Variants in NHS observed in about 807,000 individuals in gnomAD.
NHS encodes the protein actin remodeling regulator NHS.
NHS carries 5 observed loss-of-function variants against 72.5 expected under a neutral mutation model. The ratio of observed to expected loss-of-function variants is 0.07; its 90% confidence interval spans 0.04 to 0.14. The LOEUF (loss-of-function observed/expected upper bound fraction) is 0.14, where lower values mean the gene tolerates loss of function less well. Among genes scored for constraint, NHS ranks in the 10% least tolerant of loss-of-function variants. NHS has a pLI of 1.00. For synonymous variants in NHS, 464 were observed against 547.7 expected (o/e 0.85, Z 2.13); for missense variants, 1,072 against 1,355.7 (o/e 0.79, Z 3.29).
intron 1 of NHS, among the ~76,000 whole-genome samples, chrX:17,498,358 C>T (rs2065022480): frequency 1.8e-5 from 2 of 111,239 alleles, no homozygotes; most frequent in South Asian, 7.6e-4. Flanking sequence ...GGCCTTCCCA[C>T]ACCTGCCTCT....
chrX:17,521,825 G>C (rs2065150111), intron 1 of NHS, among the ~76,000 whole-genome samples: 1 of 112,498 alleles, frequency 8.9e-6, no homozygotes, highest in African/African-American at 3.2e-5. Context: ...TTATTTGCAA[G>C]TGCTTCATTT....
chrX:17,465,203 G>A (rs1054360551), intron 1 of NHS, among the ~76,000 whole-genome samples: 7 of 111,543 alleles, frequency 6.3e-5, no homozygotes, highest in African/African-American at 2.0e-4. Flanking sequence ...TGCTGAGTTT[G>A]ACCAGAGCTC....
intron 1 of NHS, among the ~76,000 whole-genome samples, chrX:17,538,424 G>C (rs2065242098): frequency 8.9e-6 from 1 of 111,744 alleles, no homozygotes; most frequent in Admixed American, 9.5e-5. Flanking sequence ...CTAAAGAGTA[G>C]GCTCCCAGCG....
At position 17,516,044 on chromosome X, in the gene NHS, T is replaced by TAA. The variant is rs367873952; in HGVS notation, c.565+139736_565+139737dup. 1.5e-3 allele frequency among the ~76,000 whole-genome samples: 137 copies of TAA among 89,039 alleles called. 2 individuals are homozygous for TAA. The highest frequency in any genetic ancestry group is 4.8e-3 in the African/African-American group (119 of 24,943). The allele number at this position is 89,039 out of a possible 115,157, so 77.3% of individuals were successfully genotyped here. ...CTAGGAGACAAACTGTTAAAAGATG[T>TAA]AAAAAAAAAAAAAAAGGTGAACTTA... On this transcript the variant is annotated intron_variant, in intron 1 of 8. Transcript: ENST00000676302.
At chrX:17,604,228 T>TCTCACACACACA (rs1231744037) in intron 1 of NHS, among the ~76,000 whole-genome samples, 5 of 92,274 alleles carry the variant, frequency 5.4e-5, no homozygotes, top group African/African-American at 2.0e-4. Flanking sequence ...TATTAATAGA[T>TCTCACACACACA]CACACACACA....
intron 1 of NHS, among the ~76,000 whole-genome samples, chrX:17,645,302 TG>T (rs1021405723): frequency 5.4e-5 from 6 of 111,999 alleles, no homozygotes; most frequent in Admixed American, 1.9e-4. Flanking sequence ...AGCAATATTA[TG>T]GGGGAAATAA....
chrX:17,450,614 G>A (rs1033422885), intron 1 of NHS, among the ~76,000 whole-genome samples: 1 of 112,138 alleles, frequency 8.9e-6, no homozygotes, highest in South Asian at 3.7e-4. Flanking sequence ...GGTGGCTCAC[G>A]CCTGTAATAA....
intron 1 of NHS, among the ~76,000 whole-genome samples, chrX:17,547,863 C>T (rs971276753): frequency 3.6e-5 from 4 of 112,083 alleles, no homozygotes; most frequent in Non-Finnish European, 5.6e-5. Flanking sequence ...ACCTCCATGG[C>T]TGGCGTCTCA....
chrX:17,406,817 A>T (rs1185140997), intron 1 of NHS, among the ~76,000 whole-genome samples: 1 of 111,854 alleles, frequency 8.9e-6, no homozygotes, highest in Non-Finnish European at 1.9e-5. Flanking sequence ...TCCCCAGTCT[A>T]TTATAGTCTA....
chrX:17,396,664 G>A (rs1481328553), intron 1 of NHS, among the ~76,000 whole-genome samples: 1 of 111,737 alleles, frequency 8.9e-6, no homozygotes, highest in African/African-American at 3.3e-5. Flanking sequence ...CAGCTTTTTA[G>A]GAAGATACTG....
intron 1 of NHS, among the ~76,000 whole-genome samples, chrX:17,545,587 T>C (rs1051418155): frequency 1.8e-5 from 2 of 112,055 alleles, no homozygotes; most frequent in African/African-American, 6.5e-5. Context: ...TCCATAGCTG[T>C]CTCTGCCATG....
At chrX:17,379,643 C>A (rs927150335) in intron 1 of NHS, among the ~76,000 whole-genome samples, 4 of 111,305 alleles carry the variant, frequency 3.6e-5, no homozygotes, top group Non-Finnish European at 7.5e-5. Flanking sequence ...GGCGTGGTGG[C>A]AGGCGCCTGT....
chrX:17,680,053 G>A (rs922195724), intron 1 of NHS, among the ~76,000 whole-genome samples: 1 of 112,258 alleles, frequency 8.9e-6, no homozygotes, highest in Non-Finnish European at 1.9e-5. Flanking sequence ...ATAAACACAA[G>A]GCAAACCCTG....
intron 1 of NHS, among the ~76,000 whole-genome samples, chrX:17,587,905 C>T (rs2065583728): frequency 8.9e-6 from 1 of 112,446 alleles, no homozygotes; most frequent in South Asian, 3.7e-4. Context: ...GTCCTGAAAG[C>T]TAATGATCTT....
At chrX:17,521,604 C>T (rs745895041) in intron 1 of NHS, among the ~76,000 whole-genome samples, 6 of 111,198 alleles carry the variant, frequency 5.4e-5, no homozygotes, top group Non-Finnish European at 1.1e-4. Context: ...ATCAAGTGAT[C>T]CTTCCACCTC....
chrX:17,684,969 A>G (rs1282778130), intron 1 of NHS, among the ~76,000 whole-genome samples: 1 of 112,372 alleles, frequency 8.9e-6, no homozygotes, highest in Non-Finnish European at 1.9e-5. Flanking sequence ...CCATGGTGAG[A>G]TTGTTAAAAA....
intron 1 of NHS, among the ~76,000 whole-genome samples, chrX:17,519,274 C>T (rs989128446): frequency 8.9e-6 from 1 of 112,186 alleles, no homozygotes; most frequent in Non-Finnish European, 1.9e-5. Context: ...TCCTTGACAT[C>T]TCGAGACCTC....
chrX:17,589,691 A>C (rs763763922), intron 1 of NHS, among the ~76,000 whole-genome samples: 1 of 108,978 alleles, frequency 9.2e-6, no homozygotes, highest in Non-Finnish European at 1.9e-5. Flanking sequence ...TTCTGGGTAC[A>C]TACCCAGTAG....
chrX:17,570,962 C>T (rs906085386), intron 1 of NHS, among the ~76,000 whole-genome samples: 5 of 111,908 alleles, frequency 4.5e-5, no homozygotes, highest in Admixed American at 9.5e-5. Flanking sequence ...GTTTATGTGA[C>T]GGATTGCATT....
Sources: gnomAD v4.1 joint callset for allele counts (sites outside exome capture counted in the v4.1 genomes callset) on GRCh38, gnomAD v4.1.1 for gene constraint, MANE v1.5 for transcripts, NCBI Gene and HGNC (gene_info 2026-07-23, HGNC 2026-07-21) for gene names.